The following UBE2D2 variants were observed in gnomAD, a reference collection of about 807,000 sequenced individuals.
The protein encoded by UBE2D2 is ubiquitin conjugating enzyme E2 D2.
UBE2D2 carries 2 observed loss-of-function variants against 24.2 expected under a neutral mutation model. That is an observed-to-expected ratio of 0.08 (90% CI 0.03 to 0.26). The LOEUF is 0.26. Among genes scored for constraint, UBE2D2 ranks in the 10% least tolerant of loss-of-function variants. The probability of loss-of-function intolerance (pLI) is 1.00; values close to 1 mark genes in which losing one functional copy is unlikely to be tolerated. For synonymous variants in UBE2D2, 58 were observed against 56.5 expected, an observed-to-expected ratio of 1.03 and a Z score of -0.12; for missense variants, 44 against 177.6, an observed-to-expected ratio of 0.25 and a Z score of 4.28.
chr5:139,612,756 G>A (rs1424843171), intron 2 of UBE2D2, among the ~76,000 whole-genome samples: 2 of 152,162 alleles, frequency 1.3e-5, no homozygotes, highest in East Asian at 1.9e-4. Context: ...TGAGACTCGT[G>A]TATGTGTGCA....
At chr5:139,573,999 T>A (rs1012567355) in intron 1 of UBE2D2, among the ~76,000 whole-genome samples, 1 of 151,438 alleles carries the variant, frequency 6.6e-6, no homozygotes, top group East Asian at 1.9e-4. Flanking sequence ...TAATAAAAAA[T>A]GTCTCTCTCC....
intron 1 of UBE2D2, among the ~76,000 whole-genome samples, chr5:139,529,611 A>G (rs1581476675): frequency 6.6e-6 from 1 of 152,148 alleles, no homozygotes; most frequent in Admixed American, 6.6e-5. Flanking sequence ...TTTAAAATTG[A>G]TAATCACAAA....
intron 1 of UBE2D2, among the ~76,000 whole-genome samples, chr5:139,531,358 G>GAGT (rs1198074361): frequency 6.6e-6 from 1 of 152,186 alleles, no homozygotes; most frequent in Non-Finnish European, 1.5e-5. Context: ...GGTGCATGCA[G>GAGT]CCCCTGTCAC....
intron 1 of UBE2D2, among the ~76,000 whole-genome samples, chr5:139,539,441 G>T (rs138118423): frequency 2.2e-4 from 34 of 152,242 alleles, no homozygotes; most frequent in African/African-American, 8.2e-4. Flanking sequence ...GGAGATAGGG[G>T]TGTATGTGTG....
At chr5:139,528,372 C>A (rs1055657779) in intron 1 of UBE2D2, among the ~76,000 whole-genome samples, 1 of 152,188 alleles carries the variant, frequency 6.6e-6, no homozygotes, top group African/African-American at 2.4e-5. Context: ...CATGTCGGCC[C>A]CAGCCCTGAG....
intron 1 of UBE2D2, among the ~76,000 whole-genome samples, chr5:139,594,031 T>C (rs185236131): frequency 7.2e-5 from 11 of 152,240 alleles, no homozygotes; most frequent in Non-Finnish European, 1.3e-4. Context: ...AACTTGACTT[T>C]AGAGCCATTT....
exon 1 of UBE2D2, chr5:139,526,541 C>G (rs367731705): frequency 6.6e-6 from 1 of 152,258 alleles, no homozygotes; most frequent in Admixed American, 6.5e-5. Flanking sequence ...AGCAGGCCCC[C>G]GCGGAGGATT....
In UBE2D2 at chr5:139,569,548, T is replaced by A. The variant is rs1421539224; in HGVS notation, c.24+7733T>A. On this transcript the variant is annotated intron_variant, in intron 1 of 6. Coordinates refer to ENST00000398733, the MANE Select transcript of UBE2D2 (RefSeq NM_003339.3). ...TGCAGAAACACACTTGTTTTGTCTG[T>A]AGAAATAAAGTTTTGATGGTTAGAT... Among the ~76,000 whole-genome samples the A allele has an allele frequency of 2.6e-5, 4 of 152,332 alleles. No individual in the cohort carries two copies. The East Asian group carries it at 7.7e-4, about 29-fold the overall frequency.
At chr5:139,540,388 A>T (rs1250037695) in intron 1 of UBE2D2, among the ~76,000 whole-genome samples, 8 of 151,938 alleles carry the variant, frequency 5.3e-5, no homozygotes, top group Non-Finnish European at 7.4e-5. Context: ...ATCTTTGTTT[A>T]AAAAAAAGTT....
At chr5:139,537,984 C>A (rs1360435280) in intron 1 of UBE2D2, among the ~76,000 whole-genome samples, 1 of 151,406 alleles carries the variant, frequency 6.6e-6, no homozygotes, top group Non-Finnish European at 1.5e-5. Context: ...AAAAGAGAAA[C>A]CTTCCCTATT....
upstream of UBE2D2, among the ~76,000 whole-genome samples, chr5:139,560,493 G>A (rs564993734): frequency 6.8e-4 from 103 of 152,150 alleles, no homozygotes; most frequent in African/African-American, 2.2e-3. Context: ...ACCGTGCCCG[G>A]CCTAATTTTT....
At chr5:139,598,850 A>G (rs1359530482) in intron 1 of UBE2D2, among the ~76,000 whole-genome samples, 4 of 150,200 alleles carry the variant, frequency 2.7e-5, no homozygotes, top group Non-Finnish European at 5.9e-5. Context: ...GGTGTGAGCC[A>G]TCGCTCCTGG....
At chr5:139,597,164 A>T (rs1390392753) in intron 1 of UBE2D2, among the ~76,000 whole-genome samples, 1 of 152,138 alleles carries the variant, frequency 6.6e-6, no homozygotes, top group East Asian at 1.9e-4. Flanking sequence ...CAAAATAATG[A>T]TTTTGAACAT....
chr5:139,614,820 C>G (rs374107123), intron 4 of UBE2D2, 41 bp from the exon 5 acceptor site: 1 of 1,611,096 alleles, frequency 6.2e-7, no homozygotes, highest in Admixed American at 1.7e-5. Context: ...TTCTATAATA[C>G]TAATAAACTA....
chr5:139,593,622 T>C (rs779587206), intron 1 of UBE2D2, among the ~76,000 whole-genome samples: 4 of 152,078 alleles, frequency 2.6e-5, no homozygotes, highest in South Asian at 2.1e-4. Context: ...TATTAAAATA[T>C]GTACTTTTTT....
chr5:139,603,173 C>G (rs1381350657), intron 2 of UBE2D2, among the ~76,000 whole-genome samples: 1 of 152,158 alleles, frequency 6.6e-6, no homozygotes, highest in Non-Finnish European at 1.5e-5. Flanking sequence ...GTAAATTCCT[C>G]CAAGTTAAGA....
At chr5:139,550,698 C>A (rs535327911) in intron 1 of UBE2D2, among the ~76,000 whole-genome samples, 2 of 152,092 alleles carry the variant, frequency 1.3e-5, no homozygotes, top group African/African-American at 4.8e-5. Flanking sequence ...GCCACCGAGA[C>A]CATGAACCCA....
At chr5:139,609,665 C>T (rs1228974674) in intron 2 of UBE2D2, among the ~76,000 whole-genome samples, 1 of 150,476 alleles carries the variant, frequency 6.6e-6, no homozygotes, top group Non-Finnish European at 1.5e-5. Flanking sequence ...GCCATCACAC[C>T]TGGCTGCGCA....
chr5:139,550,297 T>C (rs1752891715), intron 1 of UBE2D2, among the ~76,000 whole-genome samples: 1 of 152,170 alleles, frequency 6.6e-6, no homozygotes, highest in Non-Finnish European at 1.5e-5. Context: ...AGTGGGGACT[T>C]GGAGAACTTT....
Sources: allele counts gnomAD v4.1 joint callset (sites outside exome capture counted in the v4.1 genomes callset), GRCh38; gene constraint gnomAD v4.1.1; transcripts MANE v1.5; gene names NCBI Gene and HGNC (gene_info 2026-07-23, HGNC 2026-07-21).